RETREG1: variants seen among roughly 807,000 people sequenced by gnomAD.
RETREG1 encodes the protein reticulophagy regulator 1.
RETREG1 carries 44 observed loss-of-function variants against 54.8 expected under a neutral mutation model. That is an observed-to-expected ratio of 0.80 (90% CI 0.63 to 1.03). The LOEUF (loss-of-function observed/expected upper bound fraction) is 1.03. Among genes scored for constraint, RETREG1 ranks in the 50% least tolerant of loss-of-function variants. RETREG1 has a pLI of 0.00. For missense variants in RETREG1, 554 were observed against 605.1 expected, an observed-to-expected ratio of 0.92 and a Z score of 0.89; for synonymous variants, 217 against 238.5, an observed-to-expected ratio of 0.91 and a Z score of 0.83.
At chr5:16,501,853 A>AT (rs1012252037) in intron 3 of RETREG1, among the ~76,000 whole-genome samples, 3 of 149,034 alleles carry the variant, frequency 2.0e-5, no homozygotes, top group Admixed American at 6.7e-5. Context: ...CCTGGCCTGC[A>AT]TTTTTTTAAG....
At chr5:16,582,712 A>ACACAC (rs1222589705) in intron 1 of RETREG1, among the ~76,000 whole-genome samples, 6 of 152,188 alleles carry the variant, frequency 3.9e-5, no homozygotes, top group African/African-American at 1.2e-4. Flanking sequence ...CCATATCAGA[A>ACACAC]CACACCATGA....
At chr5:16,537,639 A>G (rs1741113778) in intron 3 of RETREG1, among the ~76,000 whole-genome samples, 1 of 152,210 alleles carries the variant, frequency 6.6e-6, no homozygotes, top group Admixed American at 6.5e-5. Context: ...CAGAAGTTGC[A>G]GTAAGCCTAG....
intron 4 of RETREG1, among the ~76,000 whole-genome samples, chr5:16,481,474 A>G (rs1738771350): frequency 6.6e-6 from 1 of 152,092 alleles, no homozygotes; most frequent in Non-Finnish European, 1.5e-5. Context: ...CCTGATAACT[A>G]CATCTGAAAG....
chr5:16,580,040 G>A (rs1156680563), intron 1 of RETREG1, among the ~76,000 whole-genome samples: 1 of 152,128 alleles, frequency 6.6e-6, no homozygotes, highest in Non-Finnish European at 1.5e-5. Context: ...AAATCCCCAA[G>A]GGTTCTATTT....
At chr5:16,581,429 C>T (rs1742471127) in intron 1 of RETREG1, among the ~76,000 whole-genome samples, 1 of 152,156 alleles carries the variant, frequency 6.6e-6, no homozygotes, top group Non-Finnish European at 1.5e-5. Flanking sequence ...CCCATGTAGC[C>T]AGCCCCATCC....
chr5:16,616,491 G>A, intron 1 of RETREG1, 161 bp downstream of exon 1: 3 of 1,267,282 alleles, frequency 2.4e-6, no homozygotes, highest in South Asian at 1.5e-5. Context: ...GTTGCGGTGA[G>A]TGTCTACCTG....
intron 3 of RETREG1, among the ~76,000 whole-genome samples, chr5:16,502,867 C>T (rs924783104): frequency 6.6e-5 from 10 of 152,214 alleles, no homozygotes; most frequent in African/African-American, 2.2e-4. Context: ...TGTGGAGAAG[C>T]AGCAAGACGC....
At chr5:16,532,230 CAA>C in intron 3 of RETREG1, among the ~76,000 whole-genome samples, 1 of 152,270 alleles carries the variant, frequency 6.6e-6, no homozygotes, top group East Asian at 1.9e-4. Flanking sequence ...TGCTAGCGTT[CAA>C]AAAGTTTTCC....
At chr5:16,576,294 C>CTTTTTTT (rs70940380) in intron 1 of RETREG1, among the ~76,000 whole-genome samples, 11 of 125,834 alleles carry the variant, frequency 8.7e-5, no homozygotes, top group East Asian at 2.3e-4. Flanking sequence ...TTTTCTTTTT[C>CTTTTTTT]TTTTTTTTTT....
chr5:16,607,478 G>A (rs1210992009), intron 1 of RETREG1, among the ~76,000 whole-genome samples: 1 of 152,068 alleles, frequency 6.6e-6, no homozygotes, highest in African/African-American at 2.4e-5. Flanking sequence ...GCTGGGTGTG[G>A]TGGCAGGTGC....
At chr5:16,498,002 A>G (rs1561089447) in intron 3 of RETREG1, among the ~76,000 whole-genome samples, 1 of 152,216 alleles carries the variant, frequency 6.6e-6, no homozygotes, top group East Asian at 1.9e-4. Context: ...TTGTTTCAGC[A>G]AGCAAGTCAA....
intron 1 of RETREG1, among the ~76,000 whole-genome samples, chr5:16,583,232 G>A (rs1742538660): frequency 6.6e-6 from 1 of 152,030 alleles, no homozygotes. Context: ...TGTAATCCCA[G>A]CACTTTGGGA....
At chr5:16,533,069 C>A (rs150934901) in intron 3 of RETREG1, among the ~76,000 whole-genome samples, 1 of 150,448 alleles carries the variant, frequency 6.6e-6, no homozygotes, top group Non-Finnish European at 1.5e-5. Flanking sequence ...TTTTTTGAGA[C>A]GGAGTCTCTC....
intron 1 of RETREG1, among the ~76,000 whole-genome samples, chr5:16,596,731 T>C (rs1334843194): frequency 1.3e-5 from 2 of 152,118 alleles, no homozygotes; most frequent in African/African-American, 2.4e-5. Context: ...GCAACCTCAC[T>C]GCAACTCCAG....
At chr5:16,574,751 A>T (rs1190875290) in intron 1 of RETREG1, among the ~76,000 whole-genome samples, 1 of 152,218 alleles carries the variant, frequency 6.6e-6, no homozygotes, top group African/African-American at 2.4e-5. Context: ...TTTGCATCTA[A>T]TAAATATTTA....
intron 3 of RETREG1, among the ~76,000 whole-genome samples, chr5:16,512,354 T>C (rs1266337967): frequency 6.6e-6 from 1 of 152,214 alleles, no homozygotes; most frequent in African/African-American, 2.4e-5. Flanking sequence ...AGCCTACACA[T>C]GCTGCAGAAG....
intron 1 of RETREG1, 111 bp from the exon 2 acceptor site, chr5:16,572,213 CTTT>C (rs11338270): frequency 5.9e-3 from 3,263 of 556,442 alleles, no homozygotes; most frequent in East Asian, 7.5e-3. Context: ...AATGATTTCA[CTTT>C]TTTTTTTTTT....
At chr5:16,549,833 TG>T (rs1210432497) in intron 3 of RETREG1, among the ~76,000 whole-genome samples, 9 of 150,188 alleles carry the variant, frequency 6.0e-5, no homozygotes, top group Admixed American at 1.3e-4. Context: ...TTGTAATAAC[TG>T]GCCCCCCAAA....
At chr5:16,600,144 G>A (rs1237341037) in intron 1 of RETREG1, among the ~76,000 whole-genome samples, 1 of 152,126 alleles carries the variant, frequency 6.6e-6, no homozygotes, top group Non-Finnish European at 1.5e-5. Context: ...GGGATTACAG[G>A]TGCAGACCAC....
Sources: allele counts gnomAD v4.1 joint callset (sites outside exome capture counted in the v4.1 genomes callset), GRCh38; gene constraint gnomAD v4.1.1; transcripts MANE v1.5; gene names NCBI Gene and HGNC (gene_info 2026-07-23, HGNC 2026-07-21).